UBE3D: variants seen among roughly 807,000 people sequenced by gnomAD.
The protein encoded by UBE3D is E3 ubiquitin-protein ligase E3D.
In UBE3D, 48 loss-of-function variants were observed where a neutral mutation model predicts 49.6. The observed-to-expected ratio is 0.97, with a 90% CI of 0.77 to 1.23. UBE3D has a LOEUF of 1.23. Ranked by LOEUF, UBE3D falls within the 50% of genes most tolerant of loss-of-function variation. The pLI is 0.00. For synonymous variants in UBE3D, 189 were observed against 174.2 expected (o/e 1.08, Z -0.67); for missense variants, 452 against 468.4 (o/e 0.96, Z 0.32).
rs547279143 is a variant in UBE3D, at chr6:82,893,217, T to C, written c.1150-175A>G. On this transcript the variant is annotated intron_variant, in intron 9 of 9. Transcript: ENST00000369747. ...TTATTTTACAGCAGGAGCCAATTAGTCTTTTTTTAATGAACCATATAGTAA... is the reference window on the plus strand; with the variant it reads ...TTATTTTACAGCAGGAGCCAATTAGCCTTTTTTTAATGAACCATATAGTAA... Among the ~76,000 whole-genome samples, 60 of 152,294 alleles carry C rather than the reference T, an allele frequency of 3.9e-4. No individual in the cohort carries two copies. The South Asian group carries it at 4.1e-3, about 11-fold the overall frequency.
intron 9 of UBE3D, among the ~76,000 whole-genome samples, chr6:82,940,447 T>A (rs1235862965): frequency 4.6e-5 from 7 of 152,198 alleles, no homozygotes; most frequent in Non-Finnish European, 8.8e-5. Flanking sequence ...GTCCTGATTA[T>A]CTTTGCACAC....
intron 9 of UBE3D, among the ~76,000 whole-genome samples, chr6:82,917,724 G>A (rs1562081461): frequency 1.3e-5 from 2 of 152,198 alleles, no homozygotes; most frequent in Admixed American, 1.3e-4. Flanking sequence ...GCAGAAGTGG[G>A]AAACCAGACA....
At chr6:82,884,468 C>T in the UBE3D span, among the ~76,000 whole-genome samples, 11 of 152,150 alleles carry the variant, frequency 7.2e-5, no homozygotes, top group East Asian at 9.7e-4. Flanking sequence ...TTGCAGGGAG[C>T]GGCAGGACTT....
chr6:82,902,697 A>C (rs1030246833), intron 9 of UBE3D, among the ~76,000 whole-genome samples: 1 of 152,148 alleles, frequency 6.6e-6, no homozygotes, highest in Non-Finnish European at 1.5e-5. Context: ...TGTCTTGACT[A>C]TGGTGGTAGA....
At chr6:83,025,072 C>T (rs1165980568) in intron 5 of UBE3D, among the ~76,000 whole-genome samples, 1 of 152,186 alleles carries the variant, frequency 6.6e-6, no homozygotes, top group Non-Finnish European at 1.5e-5. Flanking sequence ...ACACCATGAT[C>T]AACTAGCAAA....
chr6:83,038,350 TA>T, intron 5 of UBE3D, 65 bp downstream of exon 5: 2 of 1,290,376 alleles, frequency 1.5e-6, no homozygotes, highest in Non-Finnish European at 2.2e-6. Context: ...ATATTTACTA[TA>T]AAATATCATT....
chr6:83,023,973 G>A lies in UBE3D; in HGVS notation c.733C>T (p.Pro245Ser), dbSNP rs1781277946. 6 of 1,521,020 alleles carry A rather than the reference G, an allele frequency of 3.9e-6. No individual in the cohort carries two copies. In the South Asian group the frequency reaches 5.3e-5, roughly 13 times the overall value. The allele number at this position is 1,521,020 out of a possible 1,614,324, so 94.2% of individuals were successfully genotyped here. ...AATGTAATTTGCTATTTGTACCTTG[G>A]TATGATAGGAAAACTCCTCTCAGAT... ...QSSERSFPII[P>S]RSWFVQSVIA... The change falls in exon 6 of 10, where the codon CCA (proline) becomes TCA (serine). Residue 245 changes from proline to serine, a missense_variant. Coordinates refer to ENST00000369747, the MANE Select transcript of UBE3D (RefSeq NM_198920.3).
chr6:82,928,774 A>G (rs762025414), intron 9 of UBE3D, among the ~76,000 whole-genome samples: 1 of 152,188 alleles, frequency 6.6e-6, no homozygotes, highest in Non-Finnish European at 1.5e-5. Context: ...ATCCATGGGA[A>G]TCCAAACAGC....
At chr6:83,024,430 T>C (rs966921947) in intron 5 of UBE3D, among the ~76,000 whole-genome samples, 10 of 152,304 alleles carry the variant, frequency 6.6e-5, no homozygotes, top group South Asian at 4.1e-4. Context: ...GATGTACTAT[T>C]TTCCCAGATA....
intron 1 of UBE3D, among the ~76,000 whole-genome samples, chr6:83,063,675 C>A (rs997914813): frequency 2.6e-5 from 4 of 152,064 alleles, no homozygotes; most frequent in Non-Finnish European, 5.9e-5. Context: ...AAAATTAAAA[C>A]CACAAGATAC....
intron 9 of UBE3D, among the ~76,000 whole-genome samples, chr6:82,927,226 T>C (rs567243119): frequency 2.2e-4 from 33 of 149,854 alleles, no homozygotes; most frequent in African/African-American, 7.6e-4. Flanking sequence ...TTTTTTTTTT[T>C]CCCCCACCAA....
At chr6:83,004,168 A>G (rs1779817021) in intron 8 of UBE3D, among the ~76,000 whole-genome samples, 1 of 152,164 alleles carries the variant, frequency 6.6e-6, no homozygotes. Context: ...GTTACAGATT[A>G]AGAGGCATAA....
intron 2 of UBE3D, among the ~76,000 whole-genome samples, chr6:83,055,031 A>C (rs1385442256): frequency 1.3e-5 from 2 of 152,208 alleles, no homozygotes; most frequent in Non-Finnish European, 2.9e-5. Flanking sequence ...TCTCAAACTA[A>C]TGTTTATTGG....
intron 8 of UBE3D, among the ~76,000 whole-genome samples, chr6:83,012,806 T>C (rs1780437741): frequency 6.6e-6 from 1 of 152,202 alleles, no homozygotes; most frequent in South Asian, 2.1e-4. Context: ...ATCCAAGGTG[T>C]ACTGCTCCAA....
chr6:82,931,158 T>C (rs1458670211), intron 9 of UBE3D, among the ~76,000 whole-genome samples: 1 of 152,228 alleles, frequency 6.6e-6, no homozygotes, highest in Non-Finnish European at 1.5e-5. Flanking sequence ...CACATGGTGT[T>C]AGGCCTGTGG....
At chr6:83,010,913 C>T (rs182592730) in intron 8 of UBE3D, among the ~76,000 whole-genome samples, 19 of 152,204 alleles carry the variant, frequency 1.2e-4, no homozygotes, top group African/African-American at 4.1e-4. Context: ...ACACCCTCAT[C>T]GACACACCCA....
At chr6:82,980,009 G>T (rs1434465332) in intron 8 of UBE3D, among the ~76,000 whole-genome samples, 1 of 152,022 alleles carries the variant, frequency 6.6e-6, no homozygotes, top group African/African-American at 2.4e-5. Context: ...GGACATTTAG[G>T]TTGATTATAT....
At chr6:83,044,761 G>T in intron 3 of UBE3D, 102 bp from the exon 4 acceptor site, 1 of 977,678 alleles carries the variant, frequency 1.0e-6, no homozygotes, top group Non-Finnish European at 1.5e-6. Flanking sequence ...TAACCACAAG[G>T]TTTGCAATGC....
chr6:82,923,584 A>G (rs1773521344), intron 9 of UBE3D, among the ~76,000 whole-genome samples: 1 of 152,132 alleles, frequency 6.6e-6, no homozygotes, highest in African/African-American at 2.4e-5. Flanking sequence ...GGGCTAGGGG[A>G]GGGATAACAT....
Sources: gnomAD v4.1 joint callset for allele counts (sites outside exome capture counted in the v4.1 genomes callset) on GRCh38, gnomAD v4.1.1 for gene constraint, MANE v1.5 for transcripts, NCBI Gene and HGNC (gene_info 2026-07-23, HGNC 2026-07-21) for gene names.